Variants in CENPO observed in about 807,000 individuals in gnomAD.
CENPO encodes centromere protein O.
A neutral mutation model predicts 36.1 loss-of-function variants in CENPO; 30 were observed. The ratio of observed to expected loss-of-function variants is 0.83; its 90% confidence interval spans 0.62 to 1.13. CENPO has a LOEUF of 1.13. Ranked by LOEUF, CENPO falls within the 50% of genes most tolerant of loss-of-function variation. The pLI, the probability that CENPO is intolerant of heterozygous loss-of-function variation, is 0.00. For synonymous variants in CENPO, 171 were observed against 142.3 expected (o/e 1.20, Z -1.44); for missense variants, 349 against 357.8 (o/e 0.98, Z 0.20).
At chr2:24,802,480 T>G (rs1315322924) in intron 3 of CENPO, among the ~76,000 whole-genome samples, 1 of 152,222 alleles carries the variant, frequency 6.6e-6, no homozygotes, top group African/African-American at 2.4e-5. Flanking sequence ...TAGATAGCTC[T>G]TATTATTTTG....
At position 24,820,356 on chromosome 2, in the gene CENPO, A is replaced by G; in HGVS notation, c.*1038A>G. 15 of 1,327,572 alleles carry G rather than the reference A, an allele frequency of 1.1e-5. No homozygotes were observed. Among genetic ancestry groups the G allele is most frequent in the Non-Finnish European group, 1.4e-5 (15 of 1,043,618 alleles). 82.2% of individuals were successfully genotyped at this position (1,327,572 alleles called of 1,614,324 possible). A position where few individuals can be genotyped will look rare whatever the true frequency, so the allele number is the denominator to read the frequency against. On this transcript the variant is annotated 3_prime_UTR_variant, in exon 8 of 8. Coordinates refer to ENST00000380834, the MANE Select transcript of CENPO (RefSeq NM_001322101.2). ...CAGAGACTTCTCTCCTAGGATGGCC[A>G]TGGTCACCTGGGTGGCAGCACTGTT... is the stretch of plus-strand genomic sequence containing the variant.
intron 3 of CENPO, among the ~76,000 whole-genome samples, chr2:24,811,393 G>C: frequency 6.9e-6 from 1 of 144,238 alleles, no homozygotes; most frequent in East Asian, 2.1e-4. Context: ...CGATTCTCCT[G>C]CCTCAGCCTC....
chr2:24,810,547 G>C (rs547707658), intron 3 of CENPO, among the ~76,000 whole-genome samples: 2 of 130,272 alleles, frequency 1.5e-5, no homozygotes, highest in Non-Finnish European at 3.1e-5. Context: ...TGCTCTTGTC[G>C]CCCAGGCTGG....
intron 4 of CENPO, chr2:24,814,822 T>C (rs1281641009): frequency 1.7e-5 from 4 of 235,522 alleles, no homozygotes; most frequent in Non-Finnish European, 2.5e-5. Context: ...ACTAGTGAAA[T>C]AGTTTGAACT....
chr2:24,807,651 G>A (rs1026086185), intron 3 of CENPO, among the ~76,000 whole-genome samples: 2 of 152,166 alleles, frequency 1.3e-5, no homozygotes, highest in African/African-American at 4.8e-5. Context: ...TATATATTGG[G>A]TATATGCCTA....
chr2:24,801,759 G>T (rs1666175415), intron 3 of CENPO, among the ~76,000 whole-genome samples: 1 of 152,182 alleles, frequency 6.6e-6, no homozygotes, highest in Non-Finnish European at 1.5e-5. Flanking sequence ...GTCAGGTAGG[G>T]TGATGCCTCC....
chr2:24,800,620 T>G (rs1666119196), intron 3 of CENPO, among the ~76,000 whole-genome samples: 1 of 152,110 alleles, frequency 6.6e-6, no homozygotes, highest in Non-Finnish European at 1.5e-5. Flanking sequence ...AATGATGGTT[T>G]CCAGCTTCAT....
At position 24,815,757 on chromosome 2, in the gene CENPO, G is replaced by C. The variant is rs1435890264; in HGVS notation, c.594+1G>C. 3 of 1,614,006 alleles carry C rather than the reference G, an allele frequency of 1.9e-6. No individual in the cohort carries two copies. Among genetic ancestry groups the C allele is most frequent in the Middle Eastern group, 1.6e-4 (1 of 6,062 alleles). ...GAAGTACCAGGCAGACCGGCTTCAG[G>C]TATCTCTCTGGGATGTTATATGCCT... On this transcript the variant is annotated splice_donor_variant, in intron 5 of 7. Transcript: ENST00000380834. LOFTEE classifies it high-confidence loss of function.
At chr2:24,796,374 G>GGA (rs1665902995) in intron 2 of CENPO, among the ~76,000 whole-genome samples, 1 of 152,034 alleles carries the variant, frequency 6.6e-6, no homozygotes. Flanking sequence ...AACCATTTCC[G>GGA]GAGTGTTTAC....
chr2:24,805,252 T>C (rs1666344618), intron 3 of CENPO, among the ~76,000 whole-genome samples: 1 of 152,214 alleles, frequency 6.6e-6, no homozygotes, highest in South Asian at 2.1e-4. Flanking sequence ...GTTTTTAACT[T>C]CTTTGCCATG....
At position 24,820,587 on chromosome 2, in the gene CENPO, T is replaced by A; in HGVS notation, c.*1269T>A. ...AGGCTAGCTATTGCAGAGATTCTTT[T>A]CCACTTGCCCCACGTCTCTGCCTCT... On this transcript the variant is annotated 3_prime_UTR_variant, in exon 8 of 8. Transcript: ENST00000380834. The A allele has an allele frequency of 1.4e-6, 2 of 1,474,714 alleles. No individual in the cohort carries two copies. Among genetic ancestry groups the A allele is most frequent in the East Asian group, 2.3e-5 (1 of 43,310 alleles). 91.4% of individuals were successfully genotyped at this position (1,474,714 alleles called of 1,614,324 possible).
In CENPO at chr2:24,793,912, AATCTGAGATGGAGC is replaced by A; in HGVS notation, c.-6_8del. On this transcript the variant is annotated start_lost and 5_prime_UTR_variant, in exon 2 of 8. Coordinates refer to ENST00000380834, the MANE Select transcript of CENPO (RefSeq NM_001322101.2). The stretch of plus-strand genomic sequence containing the variant: ...ACAACTTCATGGGAAGGCCCTTGGG[AATCTGAGATGGAGC>A]AGGCGAACCCTTTACGTCCAGATGG... The A allele has an allele frequency of 5.0e-6, 8 of 1,614,148 alleles. No individual in the cohort carries two copies. Among genetic ancestry groups the A allele is most frequent in the Non-Finnish European group, 6.8e-6 (8 of 1,180,024 alleles).
chr2:24,815,844 A>T, intron 5 of CENPO, 88 bp downstream of exon 5: 1 of 1,269,366 alleles, frequency 7.9e-7, no homozygotes, highest in Non-Finnish European at 1.1e-6. Context: ...GTGTTTCCTA[A>T]CTGTGAGTTA....
intron 3 of CENPO, among the ~76,000 whole-genome samples, chr2:24,800,079 G>A (rs907971474): frequency 1.3e-5 from 2 of 152,168 alleles, no homozygotes; most frequent in Non-Finnish European, 2.9e-5. Context: ...GTGGTCAGGC[G>A]TTTGAGACCA....
Position 24,820,511 on chromosome 2 carries a change from G to C in CENPO, c.*1193G>C, listed in dbSNP as rs955322603. The C allele has an allele frequency of 1.3e-5, 18 of 1,409,666 alleles. No individual in the cohort carries two copies. The highest frequency in any genetic ancestry group is 8.7e-5 in the African/African-American group (6 of 68,976). The allele number at this position is 1,409,666 out of a possible 1,614,324, so 87.3% of individuals were successfully genotyped here. A position where few individuals can be genotyped will look rare whatever the true frequency, so the allele number is the denominator to read the frequency against. On this transcript the variant is annotated 3_prime_UTR_variant, in exon 8 of 8. Coordinates refer to ENST00000380834, the MANE Select transcript of CENPO (RefSeq NM_001322101.2). ...CCCAAAGGTAGGCCATATGCATCTAGAACTTCAGCCCAGATTTTGTGGATG... is the reference window on the plus strand; with the variant it reads ...CCCAAAGGTAGGCCATATGCATCTACAACTTCAGCCCAGATTTTGTGGATG...
At chr2:24,817,930 C>A in intron 7 of CENPO, 89 bp downstream of exon 7, 1 of 1,050,018 alleles carries the variant, frequency 9.5e-7, no homozygotes, top group South Asian at 1.6e-5. Flanking sequence ...AGACACCTAC[C>A]TGTTCATCTG....
At position 24,820,125 on chromosome 2, in the gene CENPO, A is replaced by C; in HGVS notation, c.*807A>C. 8.3e-7 allele frequency: 1 copy of C among 1,207,042 alleles called. No homozygotes were observed. The highest frequency in any genetic ancestry group is 1.1e-6 in the Non-Finnish European group (1 of 935,426). 74.8% of individuals were successfully genotyped at this position (1,207,042 alleles called of 1,614,324 possible). On this transcript the variant is annotated 3_prime_UTR_variant, in exon 8 of 8. Transcript: ENST00000380834. The stretch of plus-strand genomic sequence containing the variant: ...GGTTTCTTCTACCACCTGGAGAGGG[A>C]GGGGGAGCAAGAACGTGGCGTTACG...
chr2:24,795,223 C>G (rs1665839668), intron 2 of CENPO, among the ~76,000 whole-genome samples: 1 of 152,116 alleles, frequency 6.6e-6, no homozygotes, highest in Non-Finnish European at 1.5e-5. Context: ...CTACCCAAAA[C>G]AATATTTAAA....
intron 7 of CENPO, among the ~76,000 whole-genome samples, chr2:24,818,614 T>C (rs1656122565): frequency 6.7e-6 from 1 of 149,344 alleles, no homozygotes; most frequent in African/African-American, 2.5e-5. Flanking sequence ...GAGCTGTGAA[T>C]GTACTAGGAA....
Sources: gnomAD v4.1 joint callset for allele counts (sites outside exome capture counted in the v4.1 genomes callset) on GRCh38, gnomAD v4.1.1 for gene constraint, MANE v1.5 for transcripts, NCBI Gene and HGNC (gene_info 2026-07-23, HGNC 2026-07-21) for gene names.